FOCAD: variants seen among roughly 807,000 people sequenced by gnomAD.
FOCAD encodes KIAA1797.
FOCAD carries 198 observed loss-of-function variants against 225.6 expected under a neutral mutation model. The observed-to-expected ratio is 0.88, with a 90% CI of 0.78 to 0.99. The LOEUF (loss-of-function observed/expected upper bound fraction) is 0.99, where lower values mean the gene tolerates loss of function less well. Ranked by LOEUF, FOCAD falls within the 50% of genes least tolerant of loss-of-function variation. The pLI is 0.00. For synonymous variants in FOCAD, 897 were observed against 755.0 expected, an observed-to-expected ratio of 1.19 and a Z score of -3.08; for missense variants, 2,713 against 2,123.6, an observed-to-expected ratio of 1.28 and a Z score of -5.46.
chr9:20,978,449 C>CT lies in FOCAD; in HGVS notation c.4373dup (p.Ser1459GlufsTer21), dbSNP rs747747024. 3 of 1,603,328 alleles carry CT rather than the reference C, an allele frequency of 1.9e-6. No homozygotes were observed. The highest frequency in any genetic ancestry group is 2.6e-6 in the Non-Finnish European group (3 of 1,173,240). ...GGTGACACCACCACTGATCCACAGT[C>CT]TGAGTGTATGTAGTAACTAAGGGTG... On this transcript the variant is annotated frameshift_variant, in exon 37 of 44. Transcript: ENST00000338382. LOFTEE classifies it high-confidence loss of function.
At chr9:20,926,529 A>T in intron 26 of FOCAD, 112 bp downstream of exon 26, 1 of 677,496 alleles carries the variant, frequency 1.5e-6, no homozygotes, top group Admixed American at 2.2e-5. Context: ...CACGCCTGTA[A>T]TCCCAGCACT....
intron 19 of FOCAD, among the ~76,000 whole-genome samples, chr9:20,877,112 C>T (rs1830288975): frequency 6.6e-6 from 1 of 151,326 alleles, no homozygotes; most frequent in East Asian, 2.0e-4. Context: ...GACATTGGCA[C>T]AATATTACTA....
intron 10 of FOCAD, among the ~76,000 whole-genome samples, chr9:20,788,058 G>A (rs1352433902): frequency 1.3e-5 from 2 of 152,084 alleles, no homozygotes; most frequent in African/African-American, 4.8e-5. Context: ...CCAAAATGTG[G>A]AAACAACCCA....
At chr9:20,759,014 A>C (rs375900976) in intron 6 of FOCAD, among the ~76,000 whole-genome samples, 17 of 152,296 alleles carry the variant, frequency 1.1e-4, no homozygotes, top group East Asian at 5.8e-4. Flanking sequence ...ACTCCCATTC[A>C]CAATTGCTTC....
At chr9:20,796,654 A>T (rs981073452) in intron 11 of FOCAD, among the ~76,000 whole-genome samples, 1 of 151,872 alleles carries the variant, frequency 6.6e-6, no homozygotes, top group Admixed American at 6.6e-5. Flanking sequence ...CCACTTTTTG[A>T]TGGGGTTGTT....
chr9:20,937,066 A>C (rs1222365441), intron 28 of FOCAD, among the ~76,000 whole-genome samples: 2 of 151,524 alleles, frequency 1.3e-5, no homozygotes, highest in Non-Finnish European at 2.9e-5. Context: ...CCACTGCTCA[A>C]TGAAATAAAA....
At chr9:20,819,988 C>A in intron 12 of FOCAD, 88 bp downstream of exon 12, 2 of 788,646 alleles carry the variant, frequency 2.5e-6, no homozygotes, top group South Asian at 2.0e-5. Context: ...ATTTTAAGCC[C>A]TAAATTTTGC....
rs534140691 is a variant in FOCAD at position 20,862,814 on chromosome 9, T to A, written c.2055+102T>A. 5.1e-6 allele frequency: 7 copies of A among 1,375,158 alleles called. No individual in the cohort carries two copies. The Admixed American group carries it at 1.3e-4, about 25-fold the overall frequency. The allele number at this position is 1,375,158 out of a possible 1,614,324, so 85.2% of individuals were successfully genotyped here. The stretch of plus-strand genomic sequence containing the variant: ...ATTCCTAATCTGTTGTTGTTGTTGT[T>A]GTTGTTCTGAGACCATGTTGATATG... On this transcript the variant is annotated intron_variant, in intron 16 of 43. Transcript: ENST00000338382.
intron 14 of FOCAD, 105 bp from the exon 15 acceptor site, chr9:20,822,884 A>T: frequency 9.2e-7 from 1 of 1,082,824 alleles, no homozygotes; most frequent in Non-Finnish European, 1.2e-6. Flanking sequence ...ATTTAGTGGC[A>T]CAAGAGTATA....
At chr9:20,666,608 G>C (rs748736732) in intron 2 of FOCAD, among the ~76,000 whole-genome samples, 1 of 152,102 alleles carries the variant, frequency 6.6e-6, no homozygotes, top group Non-Finnish European at 1.5e-5. Flanking sequence ...CTCTTACTCA[G>C]ATAGGTACTT....
intron 4 of FOCAD, among the ~76,000 whole-genome samples, chr9:20,728,213 C>T (rs1563920603): frequency 6.6e-6 from 1 of 152,070 alleles, no homozygotes; most frequent in Non-Finnish European, 1.5e-5. Context: ...CTAACTATCC[C>T]CTGTCTGAAA....
At chr9:20,826,789 G>A (rs973400367) in intron 15 of FOCAD, among the ~76,000 whole-genome samples, 2 of 152,058 alleles carry the variant, frequency 1.3e-5, no homozygotes, top group Non-Finnish European at 2.9e-5. Context: ...GGTTACTCCC[G>A]GGCTTGTTTC....
chr9:20,734,658 CT>C (rs1826989387), intron 4 of FOCAD, among the ~76,000 whole-genome samples: 2 of 143,084 alleles, frequency 1.4e-5, no homozygotes, highest in African/African-American at 5.2e-5. Context: ...TTTTTTTTTT[CT>C]TTTTTGAGGT....
At chr9:20,710,785 CATTT>C (rs1262559847) in intron 1 of FOCAD, among the ~76,000 whole-genome samples, 3 of 151,992 alleles carry the variant, frequency 2.0e-5, no homozygotes, top group Non-Finnish European at 2.9e-5. Context: ...AAAGAGGTAT[CATTT>C]ATTTTGTTTA....
intron 11 of FOCAD, among the ~76,000 whole-genome samples, chr9:20,801,841 G>A (rs1402311338): frequency 6.6e-6 from 1 of 152,124 alleles, no homozygotes; most frequent in African/African-American, 2.4e-5. Flanking sequence ...TTATGATTTG[G>A]TGGATTTGGT....
chr9:20,978,304 T>A (rs1840384369), intron 36 of FOCAD, 35 bp from the exon 37 acceptor site: 6 of 1,385,886 alleles, frequency 4.3e-6, no homozygotes, highest in Non-Finnish European at 5.0e-6. Flanking sequence ...GGAAAGTAAC[T>A]ATATATTCAA....
intron 35 of FOCAD, among the ~76,000 whole-genome samples, chr9:20,967,358 GT>G (rs1223365674): frequency 6.6e-6 from 1 of 152,028 alleles, no homozygotes; most frequent in African/African-American, 2.4e-5. Context: ...ATTTTTGTGT[GT>G]TGGTCTTATA....
chr9:20,665,204 C>T (rs989823820), intron 2 of FOCAD, among the ~76,000 whole-genome samples: 11 of 152,184 alleles, frequency 7.2e-5, no homozygotes, highest in Middle Eastern at 3.4e-3. Flanking sequence ...AAGACTGAGT[C>T]CCAAGAGATC....
chr9:20,902,306 A>G (rs1832623468), intron 21 of FOCAD, among the ~76,000 whole-genome samples: 1 of 151,942 alleles, frequency 6.6e-6, no homozygotes, highest in East Asian at 1.9e-4. Flanking sequence ...AATGAGAGGA[A>G]AATCGGTCAT....
Sources: gnomAD v4.1 joint callset for allele counts (sites outside exome capture counted in the v4.1 genomes callset) on GRCh38, gnomAD v4.1.1 for gene constraint, MANE v1.5 for transcripts, NCBI Gene and HGNC (gene_info 2026-07-23, HGNC 2026-07-21) for gene names.